PLCH1: variants seen among roughly 807,000 people sequenced by gnomAD.
The protein encoded by PLCH1 is phospholipase C eta 1.
A neutral mutation model predicts 126.7 loss-of-function variants in PLCH1; 60 were observed. That is an observed-to-expected ratio of 0.47 (90% CI 0.38 to 0.59). The LOEUF (loss-of-function observed/expected upper bound fraction) is 0.59. PLCH1 is among the 20% of genes least tolerant of loss of function. The pLI, the probability that PLCH1 is intolerant of heterozygous loss-of-function variation, is 0.00. For missense variants in PLCH1, 1,723 were observed against 2,040.0 expected (o/e 0.84, Z 2.99); for synonymous variants, 719 against 734.9 (o/e 0.98, Z 0.35).
At chr3:155,626,954 C>T (rs73156519) in intron 2 of PLCH1, among the ~76,000 whole-genome samples, 7,139 of 151,756 alleles carry the variant, frequency 0.047, 236 homozygotes, top group Middle Eastern at 0.1. Context: ...AAAAGACAAT[C>T]CAATTAAAAA....
At chr3:155,737,231 C>CAAAAAAAAAAAAAAAAAAAAAAAAAA (rs557369057) in intron 1 of PLCH1, among the ~76,000 whole-genome samples, 3 of 59,538 alleles carry the variant, frequency 5.0e-5, no homozygotes, top group Admixed American at 2.3e-4. Flanking sequence ...GCCTCCGTCT[C>CAAAAAAAAAAAAAAAAAAAAAAAAAA]AAAAAAAAAA....
chr3:155,537,797 G>C (rs1478150329), intron 10 of PLCH1, among the ~76,000 whole-genome samples: 1 of 152,052 alleles, frequency 6.6e-6, no homozygotes, highest in Non-Finnish European at 1.5e-5. Flanking sequence ...CACAATAATA[G>C]TGAGAGAATT....
chr3:155,488,184 T>C, intron 20 of PLCH1, 77 bp from the exon 21 acceptor site: 1 of 846,442 alleles, frequency 1.2e-6, no homozygotes, highest in Non-Finnish European at 2.0e-6. Flanking sequence ...CAAAATTAAG[T>C]ATCTGACTTG....
intron 2 of PLCH1, among the ~76,000 whole-genome samples, chr3:155,640,932 G>A (rs1014944435): frequency 2.0e-5 from 3 of 152,028 alleles, no homozygotes; most frequent in Admixed American, 6.5e-5. Context: ...TTCAACGAAC[G>A]AATTCATAAC....
chr3:155,505,897 T>TC (rs1451552107), intron 12 of PLCH1, among the ~76,000 whole-genome samples: 2 of 151,986 alleles, frequency 1.3e-5, no homozygotes, highest in African/African-American at 2.4e-5. Flanking sequence ...GTCCGCTTTT[T>TC]TTTTTTTTTT....
chr3:155,613,270 GAA>G (rs1328676357), intron 2 of PLCH1, among the ~76,000 whole-genome samples: 4 of 152,088 alleles, frequency 2.6e-5, no homozygotes, highest in African/African-American at 9.7e-5. Flanking sequence ...AAAAGATAGA[GAA>G]AGAGGGAATC....
intron 7 of PLCH1, among the ~76,000 whole-genome samples, chr3:155,565,932 A>G (rs1024212972): frequency 6.6e-6 from 1 of 150,738 alleles, no homozygotes; most frequent in African/African-American, 2.4e-5. Context: ...TCCTGACCTC[A>G]TGTGATCTGC....
chr3:155,481,041 G>A lies in PLCH1; in HGVS notation c.4985C>T (p.Ser1662Leu), dbSNP rs1183812529. ...CTCAGTCTGCAAAACAGAATTATCT[G>A]AACAAAACTGGTCAACGTGGCCATA... ...LHYGHVDQFC[S>L]DNSVLQTEPS... The change falls in exon 23 of 23, where the codon TCA becomes TTA. Residue 1662 changes from serine to leucine, a missense_variant. By Grantham distance (145) the Ser-to-Leu change is moderately radical. Transcript: ENST00000460012. This position sits in a 1 kb window ranked among gnomAD's most constrained non-coding sequence, Gnocchi z 4.2. 2 of 1,613,698 alleles carry A rather than the reference G, an allele frequency of 1.2e-6. No individual in the cohort carries two copies. Among genetic ancestry groups the A allele is most frequent in the Non-Finnish European group, 1.7e-6 (2 of 1,179,564 alleles).
chr3:155,561,736 T>A (rs1727660257), intron 8 of PLCH1, among the ~76,000 whole-genome samples: 1 of 152,074 alleles, frequency 6.6e-6, no homozygotes, highest in South Asian at 2.1e-4. Flanking sequence ...TTGAACTAGT[T>A]TACAGTCCCA....
In PLCH1 at chr3:155,488,015, T is replaced by C. The variant is rs751891310; in HGVS notation, c.2619+13A>G. On this transcript the variant is annotated intron_variant, in intron 21 of 22. Transcript: ENST00000460012. Reference sequence around the variant, plus strand: ...TTAATGTATATGACTTTAAATCCTATGATCTTTCTCACCTTTCCATAGATT... The same window carrying C: ...TTAATGTATATGACTTTAAATCCTACGATCTTTCTCACCTTTCCATAGATT... 52 of 1,450,892 alleles carry C rather than the reference T, an allele frequency of 3.6e-5. No individual in the cohort carries two copies. The highest frequency in any genetic ancestry group is 4.9e-5 in the Non-Finnish European group (51 of 1,031,362). The allele number at this position is 1,450,892 out of a possible 1,614,324, so 89.9% of individuals were successfully genotyped here. A position where few individuals can be genotyped will look rare whatever the true frequency, so the allele number is the denominator to read the frequency against.
chr3:155,619,551 C>A (rs2108764999), intron 2 of PLCH1, among the ~76,000 whole-genome samples: 1 of 150,822 alleles, frequency 6.6e-6, no homozygotes, highest in East Asian at 1.9e-4. Context: ...TGCAAATTGT[C>A]CTAATTTTAT....
chr3:155,493,141 C>T (rs1161786746), intron 17 of PLCH1, among the ~76,000 whole-genome samples: 1 of 152,152 alleles, frequency 6.6e-6, no homozygotes, highest in Admixed American at 6.5e-5. Flanking sequence ...ACAATTATGT[C>T]AGATTCAAAT....
intron 1 of PLCH1, among the ~76,000 whole-genome samples, chr3:155,731,986 CAAAAAA>C (rs11449385): frequency 7.3e-5 from 5 of 68,282 alleles, no homozygotes; most frequent in South Asian, 5.3e-4. Flanking sequence ...GACCCTGTCT[CAAAAAA>C]AAAAAAAAAA....
rs966678152 is a variant in PLCH1 at position 155,721,531 on chromosome 3, C to T, written c.-40-17267G>A. On this transcript the variant is annotated intron_variant, in intron 1 of 22. Transcript: ENST00000460012. ...CAGCTTGGTCGCTGTTCATGTATAG[C>T]AGAGCTACTGATTTGTGTACATTAA... 5.9e-5 allele frequency among the ~76,000 whole-genome samples: 9 copies of T among 152,196 alleles called. No homozygotes were observed. The South Asian group carries it at 6.2e-4, about 11-fold the overall frequency.
At chr3:155,581,337 C>T (rs1730635743) in intron 6 of PLCH1, among the ~76,000 whole-genome samples, 1 of 152,170 alleles carries the variant, frequency 6.6e-6, no homozygotes, top group Non-Finnish European at 1.5e-5. Flanking sequence ...CACACAAAAA[C>T]CTGTACATGA....
chr3:155,462,969 A>G (rs1182910158), intron 21 of PLCH1, among the ~76,000 whole-genome samples: 1 of 152,216 alleles, frequency 6.6e-6, no homozygotes, highest in Non-Finnish European at 1.5e-5. Flanking sequence ...TAGGAAAGAT[A>G]TCAGAAGATC....
chr3:155,607,706 T>C (rs562089446), intron 2 of PLCH1, among the ~76,000 whole-genome samples: 1 of 152,206 alleles, frequency 6.6e-6, no homozygotes, highest in East Asian at 1.9e-4. Flanking sequence ...CCTCCCAGAG[T>C]GCTAGGATTA....
At chr3:155,576,121 A>G (rs985271209) in intron 6 of PLCH1, among the ~76,000 whole-genome samples, 6 of 152,138 alleles carry the variant, frequency 3.9e-5, no homozygotes, top group Non-Finnish European at 8.8e-5. Flanking sequence ...ACTAAAAAGG[A>G]TGGAACAAAA....
chr3:155,514,890 A>G lies in PLCH1; in HGVS notation c.1471-6T>C. Reference sequence around the variant, plus strand: ...TGCTCAGTGGTCCCATTACTCTGCAAAGAATTAAGTAACACAAATGATTTC... The same window carrying G: ...TGCTCAGTGGTCCCATTACTCTGCAGAGAATTAAGTAACACAAATGATTTC... On this transcript the variant is annotated splice_polypyrimidine_tract_variant and splice_region_variant and intron_variant, in intron 11 of 22. Coordinates refer to ENST00000460012, the MANE Select transcript of PLCH1 (RefSeq NM_014996.4). 1 of 1,584,922 alleles carries G rather than the reference A, an allele frequency of 6.3e-7. No homozygotes were observed. Among genetic ancestry groups the G allele is most frequent in the Non-Finnish European group, 8.6e-7 (1 of 1,162,616 alleles).
Sources: allele counts gnomAD v4.1 joint callset (sites outside exome capture counted in the v4.1 genomes callset), GRCh38; gene constraint gnomAD v4.1.1; non-coding constraint Gnocchi (gnomAD v3.1); transcripts MANE v1.5; gene names NCBI Gene and HGNC (gene_info 2026-07-23, HGNC 2026-07-21).